The following A4GNT variants were observed in gnomAD, a reference collection of about 807,000 sequenced individuals.
The protein encoded by A4GNT is alpha-1,4-N-acetylglucosaminyltransferase.
A4GNT carries 6 observed loss-of-function variants against 8.3 expected under a neutral mutation model. That is an observed-to-expected ratio of 0.72 (90% confidence interval 0.39 to 1.42). The LOEUF is 1.42. A4GNT is among the 40% of genes most tolerant of loss of function. The probability of loss-of-function intolerance (pLI) is 0.02; values close to 1 mark genes in which losing one functional copy is unlikely to be tolerated. For synonymous variants in A4GNT, 157 were observed against 159.8 expected (o/e 0.98, Z 0.13); for missense variants, 377 against 417.0 (o/e 0.90, Z 0.84).
rs1004739394 is a variant in A4GNT at position 138,124,659 on chromosome 3, T to C, written c.628A>G (p.Asn210Asp). ...HHPFLWECME[N>D]FVEHYNSAIW... ...GCTGAATTATAGTGTTCAACAAAGT[T>C]TTCCATGCATTCCCACAAAAAGGGG... The change falls in exon 3 of 3, where the codon AAC becomes GAC. Residue 210 changes from asparagine to aspartate, a missense_variant. By Grantham distance (23) the Asn-to-Asp change is conservative. Transcript: ENST00000236709. 3.7e-6 allele frequency: 6 copies of C among 1,614,058 alleles called. No individual in the cohort carries two copies. The African/African-American group carries it at 6.7e-5, about 18-fold the overall frequency.
In A4GNT at chr3:138,124,148, A is replaced by G; in HGVS notation, c.*116T>C. The G allele has an allele frequency of 1.4e-6, 2 of 1,394,174 alleles. No homozygotes were observed. The highest frequency in any genetic ancestry group is 1.9e-6 in the Non-Finnish European group (2 of 1,030,666). 86.4% of individuals were successfully genotyped at this position (1,394,174 alleles called of 1,614,324 possible). A position where few individuals can be genotyped will look rare whatever the true frequency, so the allele number is the denominator to read the frequency against. ...ACAGAGAAAGCTAATCCTAACTGAC[A>G]TTTGAGAGGCAACCCTCTGCCCACC... is the stretch of plus-strand genomic sequence containing the variant. On this transcript the variant is annotated 3_prime_UTR_variant, in exon 3 of 3. Coordinates refer to ENST00000236709, the MANE Select transcript of A4GNT (RefSeq NM_016161.3).
chr3:138,124,999 A>G (rs2042737457), intron 2 of A4GNT, 121 bp from the exon 3 acceptor site: 2 of 1,301,954 alleles, frequency 1.5e-6, no homozygotes, highest in Non-Finnish European at 2.1e-6. Flanking sequence ...CCAAAATCCT[A>G]TTTGCCACAG....
At position 138,129,861 on chromosome 3, in the gene A4GNT, C is replaced by A. The variant is rs545819305; in HGVS notation, c.408+988G>T. Among the ~76,000 whole-genome samples the A allele has an allele frequency of 2.6e-5, 4 of 152,218 alleles. No individual in the cohort carries two copies. The South Asian group carries it at 8.3e-4, about 32-fold the overall frequency. On this transcript the variant is annotated intron_variant, in intron 2 of 2. Coordinates refer to ENST00000236709, the MANE Select transcript of A4GNT (RefSeq NM_016161.3). ...CCAGGCTGGCCTTTGAACTCCTGGG[C>A]TCCAGCGATCCTCCTGCCTTGGTCT...
At chr3:138,125,492 C>G (rs1482879520) in intron 2 of A4GNT, among the ~76,000 whole-genome samples, 1 of 152,054 alleles carries the variant, frequency 6.6e-6, no homozygotes, top group Non-Finnish European at 1.5e-5. Flanking sequence ...TGGGAGGAGA[C>G]AGATAATAAA....
At chr3:138,133,188 G>A (rs2042788054), upstream of A4GNT, among the ~76,000 whole-genome samples, 10 of 152,184 alleles carry the variant, frequency 6.6e-5, 1 homozygote, top group South Asian at 1.9e-3. Context: ...TAACATAGCA[G>A]GTCCTACATG....
chr3:138,125,690 CTT>C, intron 2 of A4GNT, among the ~76,000 whole-genome samples: 1 of 152,330 alleles, frequency 6.6e-6, no homozygotes, highest in East Asian at 1.9e-4. Flanking sequence ...CTAGAACTCT[CTT>C]CTCTTGCAGT....
chr3:138,126,917 G>C (rs2042748497), intron 2 of A4GNT, among the ~76,000 whole-genome samples: 1 of 151,572 alleles, frequency 6.6e-6, no homozygotes, highest in Non-Finnish European at 1.5e-5. Flanking sequence ...AGATCACGAG[G>C]TCAGGAGTTG....
At chr3:138,125,536 T>TG (rs1405784128) in intron 2 of A4GNT, among the ~76,000 whole-genome samples, 1 of 152,156 alleles carries the variant, frequency 6.6e-6, no homozygotes, top group East Asian at 1.9e-4. Flanking sequence ...ACAACAACTA[T>TG]GAAGAAAAAA....
chr3:138,124,943 A>C, intron 2 of A4GNT, 65 bp from the exon 3 acceptor site: 1 of 1,557,600 alleles, frequency 6.4e-7, no homozygotes, highest in South Asian at 1.2e-5. Flanking sequence ...TCACAGCAGG[A>C]GGCCAGGCCC....
rs1334969465 is a variant in A4GNT, at chr3:138,131,052, A to C, written c.205T>G (p.Cys69Gly). The C allele has an allele frequency of 6.2e-7, 1 of 1,614,080 alleles. No individual in the cohort carries two copies. The highest frequency in any genetic ancestry group is 1.1e-5 in the South Asian group (1 of 91,082). ...ERMEPPHLVSCSVESAAKIYP... is the reference protein window; with the variant it reads ...ERMEPPHLVSGSVESAAKIYP... ...ATCTTGGCAGCAGACTCTACGGAAC[A>C]GGAGACCAAATGGGGTGGCTCCATT... The change falls in exon 2 of 3, where the codon TGT (cysteine) becomes GGT (glycine). Residue 69 changes from cysteine to glycine, a missense_variant. Coordinates refer to ENST00000236709, the MANE Select transcript of A4GNT (RefSeq NM_016161.3).
chr3:138,128,315 G>A (rs2042757590), intron 2 of A4GNT, among the ~76,000 whole-genome samples: 1 of 152,098 alleles, frequency 6.6e-6, no homozygotes, highest in African/African-American at 2.4e-5. Flanking sequence ...AAAGAAAAGA[G>A]GTTTGATTGG....
chr3:138,131,170 G>C lies in A4GNT; in HGVS notation c.87C>G (p.Cys29Trp). The stretch of plus-strand genomic sequence containing the variant: ...ACTTGAAAGAAGGCAAACAGAAGAG[G>C]CAGCTGGACTTCAGGGTGAACTGGT... The part of the protein sequence containing the change: ...FLYQFTLKSS[C>W]LFCLPSFKSH... The change falls in exon 2 of 3, where the codon TGC (cysteine) becomes TGG (tryptophan). Residue 29 changes from cysteine (C) to tryptophan (W), a missense_variant. Transcript: ENST00000236709. 1 of 1,613,314 alleles carries C rather than the reference G, an allele frequency of 6.2e-7. No individual in the cohort carries two copies. Among genetic ancestry groups the C allele is most frequent in the Non-Finnish European group, 8.5e-7 (1 of 1,179,478 alleles).
At position 138,131,282 on chromosome 3, in the gene A4GNT, C is replaced by T. The variant is rs1394855035; in HGVS notation, c.-26G>A. 1 of 1,476,486 alleles carries T rather than the reference C, an allele frequency of 6.8e-7. No individual in the cohort carries two copies. The highest frequency in any genetic ancestry group is 9.0e-7 in the Non-Finnish European group (1 of 1,106,942). 91.5% of individuals were successfully genotyped at this position (1,476,486 alleles called of 1,614,324 possible). ...GTCCTCTTCTCTGTGCCAGCCTGCT[C>T]CTTTAAATCAACACAATTAATTAAA... On this transcript the variant is annotated splice_region_variant and 5_prime_UTR_variant, in exon 2 of 3. Coordinates refer to ENST00000236709, the MANE Select transcript of A4GNT (RefSeq NM_016161.3).
intron 2 of A4GNT, among the ~76,000 whole-genome samples, chr3:138,127,686 A>G (rs895790824): frequency 5.3e-5 from 8 of 152,178 alleles, no homozygotes; most frequent in African/African-American, 1.7e-4. Flanking sequence ...TATGCCCATA[A>G]TTCTCATTCC....
Position 138,124,300 on chromosome 3 carries a change from C to T in A4GNT, c.987G>A (p.Gly329=). The change falls in exon 3 of 3, where the codon GGG becomes GGA. Residue 329 remains glycine (G), a synonymous_variant. Coordinates refer to ENST00000236709, the MANE Select transcript of A4GNT (RefSeq NM_016161.3). The part of the protein sequence containing the change: ...TYRDLIKGPE[G]SVTGELGPGN... ...CTGGACCCAGCTCCCCAGTCACTGA[C>T]CCCTCTGGGCCTTTAATCAGGTCCC... The T allele has an allele frequency of 1.2e-6, 2 of 1,614,118 alleles. No homozygotes were observed. Among genetic ancestry groups the T allele is most frequent in the Non-Finnish European group, 1.7e-6 (2 of 1,179,994 alleles).
At chr3:138,128,660 T>C (rs917254823) in intron 2 of A4GNT, among the ~76,000 whole-genome samples, 6 of 152,158 alleles carry the variant, frequency 3.9e-5, no homozygotes, top group Middle Eastern at 3.4e-3. Context: ...ATTCAAACTA[T>C]ATCAGGTAGC....
intron 2 of A4GNT, 34 bp downstream of exon 2, chr3:138,130,815 T>C (rs1291616243): frequency 6.3e-7 from 1 of 1,599,758 alleles, no homozygotes; most frequent in Non-Finnish European, 8.5e-7. Context: ...ATATATACAA[T>C]TCGTTGACAT....
At position 138,124,758 on chromosome 3, in the gene A4GNT, G is replaced by C; in HGVS notation, c.529C>G (p.Pro177Ala). 1 of 1,614,138 alleles carries C rather than the reference G, an allele frequency of 6.2e-7. No homozygotes were observed. Among genetic ancestry groups the C allele is most frequent in the African/African-American group, 1.3e-5 (1 of 75,036 alleles). Residue 177 changes from proline to alanine, a missense_variant, in exon 3 of 3, where the codon CCT becomes GCT. Coordinates refer to ENST00000236709, the MANE Select transcript of A4GNT (RefSeq NM_016161.3). ...DTDVISIRPI[P>A]EENFLAAQAS... is the part of the protein sequence containing the mutation. ...TGCGCAGCCAAAAAGTTCTCCTCAG[G>C]GATGGGCCTGATGGAGATGACATCG...
Position 138,124,736 on chromosome 3 carries a change from G to A in A4GNT, c.551C>T (p.Ala184Val), listed in dbSNP as rs981078390. ...ATTACTAGAGTACCGAGAAGCCTGC[G>A]CAGCCAAAAAGTTCTCCTCAGGGAT... Reference protein sequence around the residue: ...RPIPEENFLAAQASRYSSNGI... With the variant: ...RPIPEENFLAVQASRYSSNGI... Residue 184 changes from alanine to valine, a missense_variant, in exon 3 of 3, where the codon GCG becomes GTG. Ala to Val is a moderately conservative substitution (Grantham distance 64). Transcript: ENST00000236709. 1.4e-5 allele frequency: 23 copies of A among 1,614,022 alleles called. No individual in the cohort carries two copies. Among genetic ancestry groups the A allele is most frequent in the Admixed American group, 6.7e-5 (4 of 60,006 alleles).
Sources: allele counts gnomAD v4.1 joint callset (sites outside exome capture counted in the v4.1 genomes callset), GRCh38; gene constraint gnomAD v4.1.1; transcripts MANE v1.5; gene names NCBI Gene and HGNC (gene_info 2026-07-23, HGNC 2026-07-21).